NRXN3: variants seen among roughly 807,000 people sequenced by gnomAD.
NRXN3 encodes the protein neurexin 3.
A neutral mutation model predicts 137.6 loss-of-function variants in NRXN3; 32 were observed. The ratio of observed to expected loss-of-function variants is 0.23; its 90% CI spans 0.18 to 0.31. NRXN3 has a LOEUF of 0.31. Ranked by LOEUF, NRXN3 falls within the 10% of genes least tolerant of loss-of-function variation. The probability of loss-of-function intolerance (pLI) is 1.00; values close to 1 mark genes in which losing one functional copy is unlikely to be tolerated. For synonymous variants in NRXN3, 798 were observed against 784.5 expected (o/e 1.02, Z -0.29); for missense variants, 1,574 against 2,062.5 (o/e 0.76, Z 4.59).
intron 1 of NRXN3, among the ~76,000 whole-genome samples, chr14:78,190,264 A>AG (rs1336500379): frequency 6.6e-6 from 1 of 152,228 alleles, no homozygotes; most frequent in Non-Finnish European, 1.5e-5. Flanking sequence ...CCACAGACAA[A>AG]GCCTGGAACT....
chr14:79,187,101 G>T (rs1314248704), intron 15 of NRXN3, among the ~76,000 whole-genome samples: 3 of 152,170 alleles, frequency 2.0e-5, no homozygotes, highest in Non-Finnish European at 4.4e-5. Flanking sequence ...CCTAGAACCA[G>T]CCTAAAATTA....
chr14:79,741,569 C>T (rs914352576), intron 19 of NRXN3, among the ~76,000 whole-genome samples: 1 of 152,028 alleles, frequency 6.6e-6, no homozygotes, highest in Non-Finnish European at 1.5e-5. Context: ...ACTGCAACCT[C>T]CGTCCCCCAG....
At chr14:78,493,961 A>C (rs2095717429) in intron 4 of NRXN3, among the ~76,000 whole-genome samples, 3 of 152,162 alleles carry the variant, frequency 2.0e-5, no homozygotes, top group Admixed American at 2.0e-4. Flanking sequence ...GTCCTTTCTT[A>C]TATGTGAGAT....
intron 20 of NRXN3, among the ~76,000 whole-genome samples, chr14:79,834,387 A>G (rs765601212): frequency 2.0e-5 from 3 of 152,142 alleles, no homozygotes; most frequent in Non-Finnish European, 2.9e-5. Context: ...TGTTCAGAGA[A>G]TGTGTGATAA....
intron 1 of NRXN3, among the ~76,000 whole-genome samples, chr14:78,184,023 A>G (rs952052347): frequency 1.4e-4 from 21 of 152,324 alleles, no homozygotes; most frequent in Middle Eastern, 3.4e-3. Flanking sequence ...AACTCCTTAC[A>G]AATGTGAGTT....
At chr14:79,490,776 GATA>G (rs2096709431) in intron 16 of NRXN3, among the ~76,000 whole-genome samples, 1 of 151,976 alleles carries the variant, frequency 6.6e-6, no homozygotes, top group Admixed American at 6.6e-5. Context: ...GACTGTAGTC[GATA>G]ATAACTCATC....
At chr14:79,181,016 CTAAA>C (rs2062862125) in intron 15 of NRXN3, among the ~76,000 whole-genome samples, 1 of 149,364 alleles carries the variant, frequency 6.7e-6, no homozygotes, top group Non-Finnish European at 1.5e-5. Flanking sequence ...AAGATAGTAA[CTAAA>C]TATGTATAGA....
intron 4 of NRXN3, among the ~76,000 whole-genome samples, chr14:78,604,166 G>A (rs2097225887): frequency 6.6e-6 from 1 of 152,202 alleles, no homozygotes; most frequent in African/African-American, 2.4e-5. Flanking sequence ...AGAACAGTAT[G>A]AGGGAAACTG....
chr14:78,547,713 A>G (rs141185875), intron 4 of NRXN3, among the ~76,000 whole-genome samples: 36 of 151,986 alleles, frequency 2.4e-4, no homozygotes, highest in African/African-American at 8.4e-4. Flanking sequence ...ATTTATAAAT[A>G]TTTTAAAGCT....
chr14:78,709,700 A>G (rs111380140), intron 7 of NRXN3, 45 bp downstream of exon 7: 4 of 1,534,030 alleles, frequency 2.6e-6, no homozygotes, highest in Non-Finnish European at 3.5e-6. Context: ...CGAAAGCTGT[A>G]GCTTCTCAGT....
At chr14:79,503,286 T>G (rs2096842806) in intron 16 of NRXN3, among the ~76,000 whole-genome samples, 1 of 152,154 alleles carries the variant, frequency 6.6e-6, no homozygotes, top group Admixed American at 6.5e-5. Flanking sequence ...TGCCTGTAAA[T>G]TGATAACACC....
intron 10 of NRXN3, among the ~76,000 whole-genome samples, chr14:78,854,380 CT>C (rs898089539): frequency 4.0e-5 from 6 of 150,994 alleles, no homozygotes; most frequent in South Asian, 4.2e-4. Context: ...CTAGCTTTAC[CT>C]TTTTTTTTAA....
chr14:78,749,968 T>C (rs984724747), intron 8 of NRXN3, among the ~76,000 whole-genome samples: 19 of 152,222 alleles, frequency 1.2e-4, no homozygotes, highest in African/African-American at 4.3e-4. Flanking sequence ...AAGATCAGGC[T>C]GCATTATTTA....
chr14:78,979,393 C>T (rs2099482493), intron 14 of NRXN3, among the ~76,000 whole-genome samples: 2 of 151,940 alleles, frequency 1.3e-5, no homozygotes, highest in South Asian at 4.1e-4. Flanking sequence ...CAAAAATTTC[C>T]CTGTAGGGTT....
At chr14:78,690,357 T>C (rs559911701) in intron 6 of NRXN3, among the ~76,000 whole-genome samples, 1 of 152,320 alleles carries the variant, frequency 6.6e-6, no homozygotes, top group Non-Finnish European at 1.5e-5. Context: ...TAGATTGTAC[T>C]TGTCAATGAG....
chr14:78,562,606 G>T (rs1365394409), intron 4 of NRXN3, among the ~76,000 whole-genome samples: 1 of 151,938 alleles, frequency 6.6e-6, no homozygotes, highest in African/African-American at 2.4e-5. Context: ...CAAGAAAGAG[G>T]CCCAGGAGGT....
At chr14:79,550,323 A>G (rs896250146) in intron 16 of NRXN3, among the ~76,000 whole-genome samples, 2 of 152,054 alleles carry the variant, frequency 1.3e-5, no homozygotes, top group Non-Finnish European at 2.9e-5. Context: ...TAAGAAATCC[A>G]CTAAAGAAAA....
At chr14:78,553,523 T>TC (rs1278224883) in intron 4 of NRXN3, among the ~76,000 whole-genome samples, 1 of 152,024 alleles carries the variant, frequency 6.6e-6, no homozygotes, top group East Asian at 1.9e-4. Context: ...CATCCACCCA[T>TC]CCCCTCTCAG....
At position 79,071,146 on chromosome 14, in the gene NRXN3, G is replaced by A. The variant is rs1187130760; in HGVS notation, c.3262+83005G>A. On this transcript the variant is annotated intron_variant, in intron 15 of 20. Transcript: ENST00000335750. ...AATACCCCTAAGTATGTTTCTGGTAGCCTCTCGGTTGTGCTATTCAGTGAT... is the reference window on the plus strand; with the variant it reads ...AATACCCCTAAGTATGTTTCTGGTAACCTCTCGGTTGTGCTATTCAGTGAT... 2.0e-5 allele frequency among the ~76,000 whole-genome samples: 3 copies of A among 152,078 alleles called. No individual in the cohort carries two copies. The East Asian group carries it at 5.8e-4, about 29-fold the overall frequency.
Sources: gnomAD v4.1 joint callset for allele counts (sites outside exome capture counted in the v4.1 genomes callset) on GRCh38, gnomAD v4.1.1 for gene constraint, MANE v1.5 for transcripts, NCBI Gene and HGNC (gene_info 2026-07-23, HGNC 2026-07-21) for gene names.